Variants in LRP1B observed in about 807,000 individuals in gnomAD.
LRP1B encodes low-density lipoprotein receptor-related protein 1B.
LRP1B carries 217 observed loss-of-function variants against 556.6 expected under a neutral mutation model. The observed-to-expected ratio is 0.39, with a 90% confidence interval of 0.35 to 0.44. The LOEUF (loss-of-function observed/expected upper bound fraction) is 0.44, where lower values mean the gene tolerates loss of function less well. Among genes scored for constraint, LRP1B ranks in the 20% least tolerant of loss-of-function variants. LRP1B has a pLI of 1.00. For synonymous variants in LRP1B, 2,047 were observed against 1,865.8 expected, an observed-to-expected ratio of 1.10 and a Z score of -2.50; for missense variants, 5,053 against 5,620.8, an observed-to-expected ratio of 0.90 and a Z score of 3.23.
intron 3 of LRP1B, among the ~76,000 whole-genome samples, chr2:141,385,115 C>T (rs77958919): frequency 6.6e-6 from 1 of 152,076 alleles, no homozygotes. Context: ...TACGCCACTG[C>T]AGCTAAATTG....
At chr2:140,437,343 A>G (rs2105293195) in intron 66 of LRP1B, among the ~76,000 whole-genome samples, 1 of 152,252 alleles carries the variant, frequency 6.6e-6, no homozygotes, top group South Asian at 2.1e-4. Flanking sequence ...TAGAAAATTC[A>G]AAATCTGTCT....
chr2:141,318,970 A>G (rs994358940), intron 3 of LRP1B, among the ~76,000 whole-genome samples: 21 of 152,012 alleles, frequency 1.4e-4, no homozygotes, highest in Non-Finnish European at 2.6e-4. Flanking sequence ...AGCCTTCTTC[A>G]TAATGCAAAA....
chr2:141,486,955 C>T (rs1471844345), intron 2 of LRP1B, among the ~76,000 whole-genome samples: 3 of 152,100 alleles, frequency 2.0e-5, no homozygotes, highest in Non-Finnish European at 4.4e-5. Context: ...CAGAGACATG[C>T]GAAGTCCTCC....
chr2:141,264,192 C>T (rs1684802780), intron 3 of LRP1B, among the ~76,000 whole-genome samples: 1 of 152,096 alleles, frequency 6.6e-6, no homozygotes. Flanking sequence ...CAAATGTCTA[C>T]ATACAAAATT....
At chr2:140,341,437 C>A in intron 77 of LRP1B, among the ~76,000 whole-genome samples, 1 of 151,356 alleles carries the variant, frequency 6.6e-6, no homozygotes, top group Admixed American at 6.6e-5. Context: ...GACAACAGAG[C>A]CTTTGGAAGA....
At chr2:140,486,834 C>T (rs1351362476) in intron 58 of LRP1B, among the ~76,000 whole-genome samples, 1 of 151,698 alleles carries the variant, frequency 6.6e-6, no homozygotes, top group Non-Finnish European at 1.5e-5. Context: ...TCACTTGAAT[C>T]CAGCTTACTA....
chr2:142,059,507 C>T (rs1704817287), intron 1 of LRP1B, among the ~76,000 whole-genome samples: 1 of 150,900 alleles, frequency 6.6e-6, no homozygotes, highest in Non-Finnish European at 1.5e-5. Context: ...AGTTGCAACC[C>T]TTACCTAATC....
At chr2:140,294,643 G>T (rs1683527962) in intron 84 of LRP1B, among the ~76,000 whole-genome samples, 1 of 152,174 alleles carries the variant, frequency 6.6e-6, no homozygotes, top group Non-Finnish European at 1.5e-5. Context: ...CTAGAATAAA[G>T]GAGAGGCTGC....
At position 140,938,859 on chromosome 2, in the gene LRP1B, A is replaced by G. The variant is rs535831363; in HGVS notation, c.3136+11376T>C. On this transcript the variant is annotated intron_variant, in intron 20 of 90. Transcript: ENST00000389484. ...ATACAGAAAAATTTAAAATTTTTCT[A>G]TCTTTCGGAAATTCACTATTTATTG... is the stretch of plus-strand genomic sequence containing the variant. 5.9e-5 allele frequency among the ~76,000 whole-genome samples: 9 copies of G among 152,214 alleles called. No homozygotes were observed. The South Asian group carries it at 6.2e-4, about 11-fold the overall frequency.
intron 2 of LRP1B, among the ~76,000 whole-genome samples, chr2:141,497,190 T>G (rs1683539165): frequency 1.3e-5 from 2 of 152,066 alleles, no homozygotes; most frequent in African/African-American, 4.8e-5. Context: ...TCTTCTTACT[T>G]TCATTTGTTT....
chr2:141,335,341 C>T (rs1028803904), intron 3 of LRP1B, among the ~76,000 whole-genome samples: 5 of 152,164 alleles, frequency 3.3e-5, no homozygotes, highest in Admixed American at 6.5e-5. Flanking sequence ...GAAAGAGAGA[C>T]ATAAACAACA....
chr2:140,946,782 T>C (rs900780235), intron 20 of LRP1B, among the ~76,000 whole-genome samples: 3 of 152,190 alleles, frequency 2.0e-5, no homozygotes, highest in African/African-American at 7.2e-5. Context: ...CTTAGGTTGA[T>C]TCAGTGGTGA....
intron 1 of LRP1B, among the ~76,000 whole-genome samples, chr2:142,034,593 T>A (rs1270650728): frequency 6.6e-6 from 1 of 151,768 alleles, no homozygotes; most frequent in African/African-American, 2.4e-5. Context: ...GTATTATGTA[T>A]CATTTGCATT....
intron 3 of LRP1B, among the ~76,000 whole-genome samples, chr2:141,460,820 A>G (rs1681838885): frequency 6.6e-6 from 1 of 152,130 alleles, no homozygotes; most frequent in Admixed American, 6.6e-5. Context: ...AAAGTCAGGG[A>G]TCTCTGTAAT....
At chr2:141,120,946 C>A (rs879506547) in intron 7 of LRP1B, among the ~76,000 whole-genome samples, 2 of 151,846 alleles carry the variant, frequency 1.3e-5, no homozygotes, top group East Asian at 3.9e-4. Context: ...TAGCTTCTGA[C>A]AATGATAAAA....
chr2:140,742,601 A>G (rs1229749401), intron 35 of LRP1B, among the ~76,000 whole-genome samples: 5 of 151,860 alleles, frequency 3.3e-5, no homozygotes, highest in African/African-American at 7.2e-5. Context: ...TTTTTAATCT[A>G]TTATAAATTT....
chr2:141,409,112 T>C (rs1319815448), intron 3 of LRP1B, among the ~76,000 whole-genome samples: 2 of 152,156 alleles, frequency 1.3e-5, no homozygotes, highest in African/African-American at 4.8e-5. Context: ...TCAACACAAA[T>C]ATGGTATACT....
chr2:142,074,258 G>A (rs1309971735), intron 1 of LRP1B, among the ~76,000 whole-genome samples: 1 of 151,900 alleles, frequency 6.6e-6, no homozygotes, highest in African/African-American at 2.4e-5. Context: ...CCTTTCCTGG[G>A]TCCTCCAATT....
chr2:141,797,342 C>T (rs1695859424), intron 2 of LRP1B, among the ~76,000 whole-genome samples: 2 of 151,246 alleles, frequency 1.3e-5, no homozygotes, highest in South Asian at 4.2e-4. Context: ...AGATTGCTGT[C>T]CTTAAGGATT....
Sources: gnomAD v4.1 joint callset for allele counts (sites outside exome capture counted in the v4.1 genomes callset) on GRCh38, gnomAD v4.1.1 for gene constraint, MANE v1.5 for transcripts, NCBI Gene and HGNC (gene_info 2026-07-23, HGNC 2026-07-21) for gene names.